The following VWA8 variants were observed in gnomAD, a reference collection of about 807,000 sequenced individuals.
VWA8 encodes von Willebrand factor A domain-containing protein 8.
Under a neutral mutation model 241.5 loss-of-function variants are expected in VWA8, and 221 were observed. The ratio of observed to expected loss-of-function variants is 0.91; its 90% CI spans 0.82 to 1.02. The LOEUF is 1.02. Ranked by LOEUF, VWA8 falls within the 50% of genes least tolerant of loss-of-function variation. VWA8 has a pLI of 0.00. For missense variants in VWA8, 2,322 were observed against 2,328.7 expected (o/e 1.00, Z 0.06); for synonymous variants, 852 against 827.1 (o/e 1.03, Z -0.52).
intron 7 of VWA8, 142 bp downstream of exon 7, chr13:41,886,633 ATTAATT>A (rs1307547617): frequency 9.0e-6 from 6 of 663,362 alleles, no homozygotes; most frequent in East Asian, 3.1e-5. Flanking sequence ...AAGATATCTT[ATTAATT>A]TTATCACCAA....
intron 13 of VWA8, among the ~76,000 whole-genome samples, chr13:41,831,680 C>T (rs1256947165): frequency 3.6e-5 from 5 of 139,390 alleles, no homozygotes; most frequent in Admixed American, 7.6e-5. Flanking sequence ...AGTGCAGTGG[C>T]GCGATCTAGG....
At chr13:41,923,346 A>G (rs1302125550) in intron 2 of VWA8, among the ~76,000 whole-genome samples, 1 of 152,162 alleles carries the variant, frequency 6.6e-6, no homozygotes, top group Non-Finnish European at 1.5e-5. Context: ...ATGATGAGTT[A>G]ATGAGTGCAG....
At chr13:41,592,695 TA>T (rs2044464089) in intron 40 of VWA8, among the ~76,000 whole-genome samples, 1 of 146,490 alleles carries the variant, frequency 6.8e-6, no homozygotes. Flanking sequence ...ATATTTATAA[TA>T]GTGTTATTAA....
At position 41,833,580 on chromosome 13, in the gene VWA8, T is replaced by C. The variant is rs1470980828; in HGVS notation, c.1426-49A>G. 8 of 1,524,486 alleles carry C rather than the reference T, an allele frequency of 5.2e-6. No homozygotes were observed. The Admixed American group carries it at 6.2e-5, about 12-fold the overall frequency. 94.4% of individuals were successfully genotyped at this position (1,524,486 alleles called of 1,614,324 possible). The stretch of plus-strand genomic sequence containing the variant: ...ACAAAGAACATGACGAATTAATTTT[T>C]AAGACATGCAAGGTAGCTTACATGG... On this transcript the variant is annotated intron_variant, in intron 12 of 44. Transcript: ENST00000379310.
chr13:41,777,546 T>C (rs1387195552), intron 20 of VWA8, among the ~76,000 whole-genome samples: 2 of 152,162 alleles, frequency 1.3e-5, no homozygotes, highest in Non-Finnish European at 2.9e-5. Flanking sequence ...AGACTATACC[T>C]AACAGAAATG....
At chr13:41,795,143 T>A (rs894757123) in intron 17 of VWA8, among the ~76,000 whole-genome samples, 2 of 151,878 alleles carry the variant, frequency 1.3e-5, no homozygotes, top group Non-Finnish European at 2.9e-5. Flanking sequence ...GCAAAGGACA[T>A]GAACAGACAC....
intron 26 of VWA8, among the ~76,000 whole-genome samples, chr13:41,711,817 T>C (rs1032884666): frequency 6.6e-6 from 1 of 151,554 alleles, no homozygotes; most frequent in African/African-American, 2.4e-5. Context: ...GAGCTTACAG[T>C]GAGCCGAGAT....
At chr13:41,573,486 A>AATATATAT (rs1555303590) in intron 43 of VWA8, among the ~76,000 whole-genome samples, 71 of 113,598 alleles carry the variant, frequency 6.3e-4, no homozygotes, top group African/African-American at 2.2e-3. Flanking sequence ...AAAAAAAAAA[A>AATATATAT]ATATATATAT....
At chr13:41,789,956 G>A (rs1353345034) in intron 17 of VWA8, among the ~76,000 whole-genome samples, 2 of 152,042 alleles carry the variant, frequency 1.3e-5, no homozygotes, top group Admixed American at 1.3e-4. Flanking sequence ...TTTGTTCATT[G>A]AGACATCCAA....
At chr13:41,842,032 A>C (rs965104347) in intron 12 of VWA8, among the ~76,000 whole-genome samples, 7 of 151,482 alleles carry the variant, frequency 4.6e-5, no homozygotes, top group Non-Finnish European at 1.0e-4. Flanking sequence ...CAGTAGTATA[A>C]ACAAGAAGAA....
chr13:41,567,957 T>C lies in VWA8; in HGVS notation c.*240A>G. On this transcript the variant is annotated 3_prime_UTR_variant, in exon 45 of 45. Transcript: ENST00000379310. ...ACCCCAACCTTTGATAAAGTGCAGG[T>C]CAACTAGCTTGCCCTAATCACTTCT... 2.5e-6 allele frequency: 1 copy of C among 396,734 alleles called. No individual in the cohort carries two copies. The highest frequency in any genetic ancestry group is 4.5e-6 in the Non-Finnish European group (1 of 223,774). The allele number at this position is 396,734 out of a possible 1,614,324, so 24.6% of individuals were successfully genotyped here. A position where few individuals can be genotyped will look rare whatever the true frequency, so the allele number is the denominator to read the frequency against.
chr13:41,952,360 A>G (rs1257684064), intron 1 of VWA8, among the ~76,000 whole-genome samples: 1 of 152,128 alleles, frequency 6.6e-6, no homozygotes, highest in Non-Finnish European at 1.5e-5. Context: ...ATCTCGCCCT[A>G]TTTTCCTTAA....
At chr13:41,956,928 A>C (rs1035580428) in intron 1 of VWA8, among the ~76,000 whole-genome samples, 2 of 152,150 alleles carry the variant, frequency 1.3e-5, no homozygotes, top group African/African-American at 4.8e-5. Flanking sequence ...CCATTTCTTT[A>C]AAAAAATGTA....
intron 2 of VWA8, among the ~76,000 whole-genome samples, chr13:41,917,918 A>T (rs1876334414): frequency 6.6e-6 from 1 of 152,220 alleles, no homozygotes. Flanking sequence ...TCACAACACA[A>T]GATTTCAAAG....
intron 12 of VWA8, among the ~76,000 whole-genome samples, chr13:41,835,833 T>C (rs918988112): frequency 2.0e-5 from 3 of 152,184 alleles, no homozygotes; most frequent in Admixed American, 2.0e-4. Flanking sequence ...AGAAAACTCC[T>C]GGTATGAATC....
chr13:41,911,115 G>A, intron 3 of VWA8, among the ~76,000 whole-genome samples: 1 of 144,694 alleles, frequency 6.9e-6, no homozygotes, highest in South Asian at 2.1e-4. Flanking sequence ...CCAGGCTGGA[G>A]TGCAATGGCA....
At chr13:41,838,237 C>T (rs1871831712) in intron 12 of VWA8, among the ~76,000 whole-genome samples, 1 of 152,024 alleles carries the variant, frequency 6.6e-6, no homozygotes, top group Admixed American at 6.6e-5. Context: ...AATCCAGATA[C>T]AGTCAATACT....
intron 25 of VWA8, 88 bp downstream of exon 25, chr13:41,721,282 A>C: frequency 7.5e-7 from 1 of 1,338,942 alleles, no homozygotes; most frequent in Non-Finnish European, 1.0e-6. Context: ...GTATTTATGG[A>C]AATTAAAAAC....
chr13:41,930,366 GAT>G (rs1419053586), intron 2 of VWA8, among the ~76,000 whole-genome samples: 1 of 152,110 alleles, frequency 6.6e-6, no homozygotes, highest in East Asian at 1.9e-4. Context: ...AATTCTTCTG[GAT>G]ATATACCCAA....
Sources: allele counts gnomAD v4.1 joint callset (sites outside exome capture counted in the v4.1 genomes callset), GRCh38; gene constraint gnomAD v4.1.1; transcripts MANE v1.5; gene names NCBI Gene and HGNC (gene_info 2026-07-23, HGNC 2026-07-21).